RAB31: variants seen among roughly 807,000 people sequenced by gnomAD.
RAB31 encodes ras-related protein Rab-31.
In RAB31, 21 loss-of-function variants were observed where a neutral mutation model predicts 25.6. That is an observed-to-expected ratio of 0.82 (90% CI 0.58 to 1.18). RAB31 has a LOEUF of 1.18. Among genes scored for constraint, RAB31 ranks in the 50% most tolerant of loss-of-function variants. The pLI is 0.00. For missense variants in RAB31, 196 were observed against 250.1 expected, an observed-to-expected ratio of 0.78 and a Z score of 1.46; for synonymous variants, 87 against 84.0, an observed-to-expected ratio of 1.04 and a Z score of -0.20.
intron 1 of RAB31, among the ~76,000 whole-genome samples, chr18:9,715,092 C>G (rs2068037217): frequency 6.6e-6 from 1 of 152,150 alleles, no homozygotes; most frequent in African/African-American, 2.4e-5. Flanking sequence ...TCCTGTGCCA[C>G]ACGCACAGGA....
chr18:9,709,365 C>T (rs1315192431), intron 1 of RAB31, among the ~76,000 whole-genome samples: 2 of 152,168 alleles, frequency 1.3e-5, no homozygotes, highest in Non-Finnish European at 2.9e-5. Context: ...AGGGCGTTTT[C>T]AGCAGCCATT....
intron 5 of RAB31, among the ~76,000 whole-genome samples, chr18:9,822,953 C>A (rs1232460844): frequency 1.3e-5 from 2 of 152,196 alleles, no homozygotes; most frequent in African/African-American, 4.8e-5. Context: ...CACACAAAAC[C>A]TGCACATGAA....
intron 1 of RAB31, among the ~76,000 whole-genome samples, chr18:9,762,634 C>T (rs1185711216): frequency 3.3e-5 from 5 of 152,030 alleles, no homozygotes; most frequent in African/African-American, 1.2e-4. Context: ...AGAGTTTGTA[C>T]ATCGGGACAA....
chr18:9,771,679 G>A (rs926473102), intron 1 of RAB31, among the ~76,000 whole-genome samples: 1 of 152,358 alleles, frequency 6.6e-6, no homozygotes, highest in South Asian at 2.1e-4. Flanking sequence ...CTGGTGGCCA[G>A]CCGAGGAACA....
At chr18:9,818,772 G>GT in intron 5 of RAB31, among the ~76,000 whole-genome samples, 1 of 152,184 alleles carries the variant, frequency 6.6e-6, no homozygotes, top group Non-Finnish European at 1.5e-5. Flanking sequence ...GTTTTCCAAA[G>GT]TAACTGCAAG....
chr18:9,838,676 G>A (rs540308757), intron 5 of RAB31, among the ~76,000 whole-genome samples: 21 of 152,326 alleles, frequency 1.4e-4, no homozygotes, highest in African/African-American at 4.3e-4. Context: ...AAATGCTGGA[G>A]CCCGCAAGAA....
chr18:9,742,739 T>A (rs537451441), intron 1 of RAB31, among the ~76,000 whole-genome samples: 17 of 152,226 alleles, frequency 1.1e-4, no homozygotes, highest in Admixed American at 1.1e-3. Flanking sequence ...CCTTCTCTTT[T>A]ACTCATGAGC....
At chr18:9,728,812 T>C (rs901004199) in intron 1 of RAB31, among the ~76,000 whole-genome samples, 4 of 152,220 alleles carry the variant, frequency 2.6e-5, no homozygotes, top group Non-Finnish European at 4.4e-5. Context: ...GTGCTGGGAT[T>C]ACAGGCGTGA....
intron 1 of RAB31, among the ~76,000 whole-genome samples, chr18:9,772,707 CT>C (rs2068351371): frequency 6.6e-6 from 1 of 152,166 alleles, no homozygotes. Flanking sequence ...CCCACCCTGC[CT>C]CCTTGGCAGT....
intron 3 of RAB31, among the ~76,000 whole-genome samples, chr18:9,809,582 C>T (rs1214796976): frequency 6.6e-6 from 1 of 152,146 alleles, no homozygotes; most frequent in Non-Finnish European, 1.5e-5. Context: ...AGAAGACCCT[C>T]AGGAAAATAC....
intron 6 of RAB31, among the ~76,000 whole-genome samples, chr18:9,852,178 A>G (rs2143147610): frequency 6.6e-6 from 1 of 152,306 alleles, no homozygotes; most frequent in African/African-American, 2.4e-5. Flanking sequence ...TGCCATCTCT[A>G]TCCCATCCTG....
At chr18:9,806,799 A>G (rs1374085175) in intron 3 of RAB31, among the ~76,000 whole-genome samples, 1 of 152,192 alleles carries the variant, frequency 6.6e-6, no homozygotes, top group African/African-American at 2.4e-5. Flanking sequence ...GTAGAAAGGA[A>G]GCCAGTGGTC....
At chr18:9,800,299 G>A (rs1347753600) in intron 3 of RAB31, among the ~76,000 whole-genome samples, 1 of 152,114 alleles carries the variant, frequency 6.6e-6, no homozygotes, top group Middle Eastern at 3.2e-3. Context: ...CTTCCAACCT[G>A]AAACTTTCTT....
intron 1 of RAB31, among the ~76,000 whole-genome samples, chr18:9,771,239 G>A (rs2068343475): frequency 6.6e-6 from 1 of 152,128 alleles, no homozygotes; most frequent in South Asian, 2.1e-4. Flanking sequence ...GCCTTAAGAG[G>A]TTTTGACTAG....
At chr18:9,807,808 T>C (rs1251221344) in intron 3 of RAB31, among the ~76,000 whole-genome samples, 1 of 151,918 alleles carries the variant, frequency 6.6e-6, no homozygotes, top group African/African-American at 2.4e-5. Context: ...AACTTGTCTC[T>C]ATAAAAACTT....
chr18:9,762,925 G>A (rs1026789675), intron 1 of RAB31, among the ~76,000 whole-genome samples: 1 of 152,166 alleles, frequency 6.6e-6, no homozygotes, highest in Middle Eastern at 3.4e-3. Flanking sequence ...CCACCAGCAG[G>A]GTAGGGGAGC....
intron 3 of RAB31, among the ~76,000 whole-genome samples, chr18:9,793,429 G>A (rs183459494): frequency 2.0e-5 from 3 of 152,264 alleles, no homozygotes; most frequent in Admixed American, 1.3e-4. Flanking sequence ...TTGGGAGGCC[G>A]AGGCGGGCGG....
intron 1 of RAB31, among the ~76,000 whole-genome samples, chr18:9,717,778 G>A (rs1478286321): frequency 6.6e-6 from 1 of 152,190 alleles, no homozygotes; most frequent in Non-Finnish European, 1.5e-5. Flanking sequence ...CCCACTGCTG[G>A]CAAGGAGAAA....
intron 2 of RAB31, among the ~76,000 whole-genome samples, chr18:9,776,756 G>A (rs1462481235): frequency 6.6e-6 from 1 of 152,066 alleles, no homozygotes; most frequent in Non-Finnish European, 1.5e-5. Flanking sequence ...GCTGTGTTAC[G>A]GGAGCGGAAC....
Sources: allele counts gnomAD v4.1 joint callset (sites outside exome capture counted in the v4.1 genomes callset), GRCh38; gene constraint gnomAD v4.1.1; transcripts MANE v1.5; gene names NCBI Gene and HGNC (gene_info 2026-07-23, HGNC 2026-07-21).